Variants in DOCK11 observed in about 807,000 individuals in gnomAD.
DOCK11 encodes dedicator of cytokinesis 11.
A neutral mutation model predicts 169.1 loss-of-function variants in DOCK11; 70 were observed. The observed-to-expected ratio is 0.41, with a 90% confidence interval of 0.34 to 0.51. DOCK11 has a LOEUF of 0.51. DOCK11 is among the 20% of genes least tolerant of loss of function. DOCK11 has a pLI of 0.10. For missense variants in DOCK11, 1,166 were observed against 1,538.8 expected, an observed-to-expected ratio of 0.76 and a Z score of 4.05; for synonymous variants, 529 against 541.3, an observed-to-expected ratio of 0.98 and a Z score of 0.32.
chrX:118,536,103 GC>G (rs1321193997), intron 1 of DOCK11, among the ~76,000 whole-genome samples: 1 of 111,369 alleles, frequency 9.0e-6, no homozygotes, highest in East Asian at 2.8e-4. Flanking sequence ...TTTGAGACCA[GC>G]CTGGGCAACA....
At chrX:118,636,821 TTGTG>T (rs1403491722) in intron 36 of DOCK11, among the ~76,000 whole-genome samples, 3 of 98,994 alleles carry the variant, frequency 3.0e-5, no homozygotes, top group South Asian at 4.5e-4. Flanking sequence ...GTCTGTGTAT[TTGTG>T]TGTACACACA....
At chrX:118,536,928 A>T (rs1220357071) in intron 1 of DOCK11, among the ~76,000 whole-genome samples, 1 of 111,192 alleles carries the variant, frequency 9.0e-6, no homozygotes, top group Non-Finnish European at 1.9e-5. Context: ...TAGAGAAAGC[A>T]CTCTAGGCTC....
At position 118,576,490 on chromosome X, in the gene DOCK11, C is replaced by G. The variant is rs569265341; in HGVS notation, c.1390-2035C>G. Among the ~76,000 whole-genome samples the G allele has an allele frequency of 4.5e-5, 5 of 112,054 alleles. No individual in the cohort carries two copies. The South Asian group carries it at 1.9e-3, about 42-fold the overall frequency. On this transcript the variant is annotated intron_variant, in intron 12 of 52. Transcript: ENST00000276202. ...AGAGTGTCCCCCATCATTGGAATCC[C>G]TGGTCAGTTAGAAAATGGACATCTC...
chrX:118,526,862 T>C (rs775341586), intron 1 of DOCK11, among the ~76,000 whole-genome samples: 30 of 112,558 alleles, frequency 2.7e-4, no homozygotes, highest in Non-Finnish European at 4.7e-4. Context: ...AAGTCCTTCA[T>C]TGATCCAAGC....
chrX:118,645,487 A>T (rs920343829), intron 40 of DOCK11, among the ~76,000 whole-genome samples: 3 of 108,982 alleles, frequency 2.8e-5, no homozygotes, highest in Non-Finnish European at 5.7e-5. Context: ...TGAGGTCAGG[A>T]GTTTGACACC....
At chrX:118,527,185 A>G (rs2011396586) in intron 1 of DOCK11, among the ~76,000 whole-genome samples, 1 of 112,397 alleles carries the variant, frequency 8.9e-6, no homozygotes, top group African/African-American at 3.2e-5. Context: ...GTAAAGGAAA[A>G]CTACCATTTA....
intron 1 of DOCK11, among the ~76,000 whole-genome samples, chrX:118,531,174 G>A (rs1314943258): frequency 9.1e-6 from 1 of 109,871 alleles, no homozygotes; most frequent in Non-Finnish European, 1.9e-5. Flanking sequence ...AAGGAAGTGA[G>A]GTTGGGTGCA....
At chrX:118,512,806 G>C (rs954042811) in intron 1 of DOCK11, among the ~76,000 whole-genome samples, 1 of 111,369 alleles carries the variant, frequency 9.0e-6, no homozygotes, top group Non-Finnish European at 1.9e-5. Flanking sequence ...CCAGACCCGT[G>C]TTTCTCAAGG....
chrX:118,618,687 C>A lies in DOCK11; in HGVS notation c.3430C>A (p.Leu1144Ile). 4 of 1,207,979 alleles carry A rather than the reference C, an allele frequency of 3.3e-6. No individual in the cohort carries two copies. The highest frequency in any genetic ancestry group is 4.5e-6 in the Non-Finnish European group (4 of 893,423). ...TACAGCTATCTCTGTTATAAAGAAT[C>A]TTTTGATAAAACATGCATTTGACAC... is the stretch of plus-strand genomic sequence containing the variant. ...RYTAISVIKNLLIKHAFDTRY... is the reference protein window; with the variant it reads ...RYTAISVIKNILIKHAFDTRY... Residue 1144 changes from leucine to isoleucine, a missense_variant, in exon 31 of 53, where the codon CTT becomes ATT. Physicochemically the swap from Leu to Ile is conservative, Grantham distance 5. Transcript: ENST00000276202.
chrX:118,614,110 A>G (rs1290231383), intron 28 of DOCK11, among the ~76,000 whole-genome samples: 1 of 111,848 alleles, frequency 8.9e-6, no homozygotes, highest in African/African-American at 3.3e-5. Flanking sequence ...TTCAGTTGCA[A>G]GGTAGTGAGA....
chrX:118,546,542 C>T (rs761836624), intron 6 of DOCK11, among the ~76,000 whole-genome samples: 1 of 112,017 alleles, frequency 8.9e-6, no homozygotes, highest in South Asian at 3.7e-4. Context: ...TTGGTCTCAG[C>T]CTCTAGACTA....
At chrX:118,501,334 A>T (rs894662357) in intron 1 of DOCK11, among the ~76,000 whole-genome samples, 1 of 111,004 alleles carries the variant, frequency 9.0e-6, no homozygotes, top group Non-Finnish European at 1.9e-5. Flanking sequence ...AAAAATACAA[A>T]AATTAGCTGA....
At chrX:118,644,554 G>A (rs774133494) in intron 40 of DOCK11, among the ~76,000 whole-genome samples, 23 of 111,788 alleles carry the variant, frequency 2.1e-4, no homozygotes, top group Non-Finnish European at 3.4e-4. Context: ...GTCCCTAAAG[G>A]CTTATTGTCC....
At chrX:118,522,889 C>A (rs920481938) in intron 1 of DOCK11, among the ~76,000 whole-genome samples, 8 of 111,663 alleles carry the variant, frequency 7.2e-5, no homozygotes, top group African/African-American at 2.6e-4. Context: ...GGTGAGTAGA[C>A]CAGGAGGCAA....
At chrX:118,514,184 G>A (rs1376504609) in intron 1 of DOCK11, among the ~76,000 whole-genome samples, 1 of 109,504 alleles carries the variant, frequency 9.1e-6, no homozygotes, top group Admixed American at 9.8e-5. Flanking sequence ...CTGTGAAGAG[G>A]GTGCCTGCTT....
At chrX:118,569,654 G>C (rs1335342997) in intron 10 of DOCK11, 1 of 110,809 alleles carries the variant, frequency 9.0e-6, no homozygotes, top group African/African-American at 3.3e-5. Context: ...ATTATTTGGA[G>C]AAAATAAATT....
chrX:118,680,926 C>T (rs1001578757), intron 49 of DOCK11, 132 bp from the exon 50 acceptor site: 71 of 623,486 alleles, frequency 1.1e-4, no homozygotes, highest in Admixed American at 3.0e-4. Flanking sequence ...TCCTGAAGTA[C>T]TATATGGGAC....
At chrX:118,526,640 C>A (rs1211718597) in intron 1 of DOCK11, among the ~76,000 whole-genome samples, 1 of 112,069 alleles carries the variant, frequency 8.9e-6, no homozygotes, top group African/African-American at 3.2e-5. Context: ...AGATTGCTCC[C>A]TAAGAGAAAC....
chrX:118,564,666 GCTTTCTTT>G (rs746541335), intron 7 of DOCK11, among the ~76,000 whole-genome samples: 2 of 108,481 alleles, frequency 1.8e-5, no homozygotes, highest in Non-Finnish European at 3.8e-5. Context: ...TTGCTTGCTA[GCTTTCTTT>G]CTTTCTTTCT....
Sources: gnomAD v4.1 joint callset for allele counts (sites outside exome capture counted in the v4.1 genomes callset) on GRCh38, gnomAD v4.1.1 for gene constraint, MANE v1.5 for transcripts, NCBI Gene and HGNC (gene_info 2026-07-23, HGNC 2026-07-21) for gene names.